Variants in ADAMTSL3 observed in about 807,000 individuals in gnomAD.
The protein encoded by ADAMTSL3 is ADAMTS like 3.
In ADAMTSL3, 128 loss-of-function variants were observed where a neutral mutation model predicts 201.7. That is an observed-to-expected ratio of 0.63 (90% CI 0.55 to 0.73). The LOEUF is 0.73. Among genes scored for constraint, ADAMTSL3 ranks in the 30% least tolerant of loss-of-function variants. The probability of loss-of-function intolerance (pLI) is 0.00; values close to 1 mark genes in which losing one functional copy is unlikely to be tolerated. For synonymous variants in ADAMTSL3, 738 were observed against 748.4 expected (o/e 0.99, Z 0.23); for missense variants, 1,990 against 2,119.6 (o/e 0.94, Z 1.20).
intron 16 of ADAMTSL3, among the ~76,000 whole-genome samples, chr15:83,914,206 T>TGGGAAAAACA (rs1371356535): frequency 6.6e-6 from 1 of 152,118 alleles, no homozygotes; most frequent in Non-Finnish European, 1.5e-5. Context: ...CTGCTCTTGA[T>TGGGAAAAACA]CCAGCCAATG....
intron 16 of ADAMTSL3, among the ~76,000 whole-genome samples, chr15:83,913,881 A>C (rs1180710047): frequency 6.6e-6 from 1 of 152,194 alleles, no homozygotes; most frequent in South Asian, 2.1e-4. Context: ...AAACCCTGTT[A>C]GGATTAGAAA....
chr15:83,694,121 C>T lies in ADAMTSL3; in HGVS notation c.70-10268C>T, dbSNP rs145218813. 3.5e-3 allele frequency among the ~76,000 whole-genome samples: 540 copies of T among 152,310 alleles called. 3 individuals are homozygous for T. The highest frequency in any genetic ancestry group is 6.4e-3 in the Admixed American group (98 of 15,302). ...CCTGAGAGCATGTTCTTCTTCAACA[C>T]GGAATTCCTGTCAGGGCGTGGAAGC... On this transcript the variant is annotated intron_variant, in intron 2 of 29. Coordinates refer to ENST00000286744, the MANE Select transcript of ADAMTSL3 (RefSeq NM_207517.3).
chr15:83,914,009 T>C (rs2065984015), intron 16 of ADAMTSL3, among the ~76,000 whole-genome samples: 1 of 152,208 alleles, frequency 6.6e-6, no homozygotes, highest in Non-Finnish European at 1.5e-5. Flanking sequence ...AGAGCCACTC[T>C]TGAGGGCTCT....
chr15:83,973,863 C>G (rs1245652122), intron 20 of ADAMTSL3, among the ~76,000 whole-genome samples: 1 of 152,116 alleles, frequency 6.6e-6, no homozygotes, highest in Non-Finnish European at 1.5e-5. Context: ...TATTTTCTAC[C>G]AAGGTTTCAA....
At chr15:83,827,322 CT>C (rs1388485742) in intron 6 of ADAMTSL3, among the ~76,000 whole-genome samples, 2 of 152,276 alleles carry the variant, frequency 1.3e-5, no homozygotes, top group African/African-American at 4.8e-5. Flanking sequence ...TGAGAAGTGT[CT>C]GTTTATATCC....
chr15:83,728,328 G>A (rs2062212448), intron 3 of ADAMTSL3, among the ~76,000 whole-genome samples: 1 of 150,906 alleles, frequency 6.6e-6, no homozygotes, highest in Non-Finnish European at 1.5e-5. Flanking sequence ...TATGTCTTTT[G>A]ATTGGAGAGT....
chr15:83,960,505 C>T (rs1388642729), intron 19 of ADAMTSL3, among the ~76,000 whole-genome samples: 2 of 151,982 alleles, frequency 1.3e-5, no homozygotes, highest in Non-Finnish European at 2.9e-5. Context: ...TCATGAAGTA[C>T]CTCGGAAAAA....
At chr15:83,787,676 G>A (rs1450315257) in intron 4 of ADAMTSL3, among the ~76,000 whole-genome samples, 1 of 151,810 alleles carries the variant, frequency 6.6e-6, no homozygotes, top group African/African-American at 2.4e-5. Flanking sequence ...TTCTCTTGGT[G>A]TTTTATCCAC....
intron 6 of ADAMTSL3, among the ~76,000 whole-genome samples, chr15:83,821,284 TC>T (rs2063860405): frequency 6.6e-6 from 1 of 151,510 alleles, no homozygotes; most frequent in African/African-American, 2.4e-5. Flanking sequence ...TGGGTGTTTC[TC>T]GCAGAGGGGG....
At chr15:83,694,227 A>G (rs1244076256) in intron 2 of ADAMTSL3, 1 of 152,230 alleles carries the variant, frequency 6.6e-6, no homozygotes, top group African/African-American at 2.4e-5. Flanking sequence ...CACAAACAGC[A>G]CTTACTCTCA....
chr15:84,015,998 A>G (rs965676834), intron 24 of ADAMTSL3, among the ~76,000 whole-genome samples: 3 of 152,294 alleles, frequency 2.0e-5, no homozygotes, highest in African/African-American at 7.2e-5. Flanking sequence ...ACTCCTCACC[A>G]TGCAAACCTA....
chr15:83,771,167 CTTTT>C (rs10572931), intron 3 of ADAMTSL3, among the ~76,000 whole-genome samples: 10 of 134,334 alleles, frequency 7.4e-5, no homozygotes, highest in Non-Finnish European at 1.4e-4. Flanking sequence ...TTTCTGGACT[CTTTT>C]TTTTTTTTTT....
At chr15:83,993,838 C>T (rs1049689945) in intron 23 of ADAMTSL3, among the ~76,000 whole-genome samples, 1 of 152,170 alleles carries the variant, frequency 6.6e-6, no homozygotes, top group Non-Finnish European at 1.5e-5. Context: ...AAGAAAAGCT[C>T]ATCTGGGGAA....
intron 16 of ADAMTSL3, among the ~76,000 whole-genome samples, chr15:83,919,037 G>A (rs971361971): frequency 5.3e-5 from 8 of 152,118 alleles, no homozygotes; most frequent in African/African-American, 1.2e-4. Context: ...TTCTGAGCTG[G>A]TGAATGCTAA....
At chr15:83,827,333 C>T (rs2064046932) in intron 6 of ADAMTSL3, among the ~76,000 whole-genome samples, 2 of 152,126 alleles carry the variant, frequency 1.3e-5, no homozygotes, top group Admixed American at 1.3e-4. Context: ...TGTTTATATC[C>T]TTTGCCCACT....
chr15:83,886,634 C>G (rs2065396914), intron 10 of ADAMTSL3, among the ~76,000 whole-genome samples: 1 of 152,124 alleles, frequency 6.6e-6, no homozygotes. Flanking sequence ...GTTTGAAGAG[C>G]TAGAATAAAT....
At chr15:83,811,419 C>G (rs532317593) in intron 5 of ADAMTSL3, among the ~76,000 whole-genome samples, 7 of 152,330 alleles carry the variant, frequency 4.6e-5, no homozygotes, top group African/African-American at 1.7e-4. Flanking sequence ...TCTAGAGTTT[C>G]TCTGTGTGTG....
chr15:83,937,697 A>T (rs2066484700), intron 17 of ADAMTSL3, among the ~76,000 whole-genome samples: 1 of 151,146 alleles, frequency 6.6e-6, no homozygotes, highest in South Asian at 2.1e-4. Context: ...AAAGTCAAGG[A>T]TCAGTGCTAA....
chr15:83,824,749 G>A (rs987604927), intron 6 of ADAMTSL3: 6 of 151,766 alleles, frequency 4.0e-5, no homozygotes, highest in Non-Finnish European at 5.9e-5. Flanking sequence ...TAGCCTTTTC[G>A]GATTGGATTC....
Sources: allele counts gnomAD v4.1 joint callset (sites outside exome capture counted in the v4.1 genomes callset), GRCh38; gene constraint gnomAD v4.1.1; transcripts MANE v1.5; gene names NCBI Gene and HGNC (gene_info 2026-07-23, HGNC 2026-07-21).